The following ARFGAP3 variants were observed in gnomAD, a reference collection of about 807,000 sequenced individuals.
ARFGAP3 encodes ARF GTPase activating protein 3, also known as ADP-ribosylation factor GTPase-activating protein 3.
ARFGAP3 carries 72 observed loss-of-function variants against 75.0 expected under a neutral mutation model. The ratio of observed to expected loss-of-function variants is 0.96; its 90% CI spans 0.79 to 1.17. ARFGAP3 has a LOEUF of 1.17. Ranked by LOEUF, ARFGAP3 falls within the 50% of genes most tolerant of loss-of-function variation. The probability of loss-of-function intolerance (pLI) is 0.00; values close to 1 mark genes in which losing one functional copy is unlikely to be tolerated. For missense variants in ARFGAP3, 620 were observed against 626.6 expected (o/e 0.99, Z 0.11); for synonymous variants, 221 against 217.9 (o/e 1.01, Z -0.13).
At chr22:42,833,799 C>T (rs1264553999) in intron 5 of ARFGAP3, among the ~76,000 whole-genome samples, 1 of 152,138 alleles carries the variant, frequency 6.6e-6, no homozygotes, top group African/African-American at 2.4e-5. Flanking sequence ...ACCTGTAGTC[C>T]CAGCTACTCG....
At chr22:42,837,215 ACTTTGG>A (rs1236201638) in intron 3 of ARFGAP3, among the ~76,000 whole-genome samples, 3 of 152,350 alleles carry the variant, frequency 2.0e-5, no homozygotes, top group Admixed American at 2.0e-4. Flanking sequence ...TAATCCTAGC[ACTTTGG>A]GAAGCCAAAG....
rs978938611 is a variant in ARFGAP3, at chr22:42,797,275, G to C, written c.*313C>G. ...CCCCCACATGAAGCCTCCTGGTTCAGGAGCAGGAGGAGCCGAGGTCTCCAG... is the reference window on the plus strand; with the variant it reads ...CCCCCACATGAAGCCTCCTGGTTCACGAGCAGGAGGAGCCGAGGTCTCCAG... On this transcript the variant is annotated 3_prime_UTR_variant, in exon 16 of 16. Coordinates refer to ENST00000263245, the MANE Select transcript of ARFGAP3 (RefSeq NM_014570.5). 3 of 350,286 alleles carry C rather than the reference G, an allele frequency of 8.6e-6. No homozygotes were observed. Among genetic ancestry groups the C allele is most frequent in the Non-Finnish European group, 1.6e-5 (3 of 191,666 alleles). 21.7% of individuals were successfully genotyped at this position (350,286 alleles called of 1,614,324 possible). A position where few individuals can be genotyped will look rare whatever the true frequency, so the allele number is the denominator to read the frequency against.
chr22:42,808,707 C>CCACA (rs1925233062), intron 13 of ARFGAP3, 60 bp downstream of exon 13: 2 of 1,411,726 alleles, frequency 1.4e-6, no homozygotes, highest in African/African-American at 1.4e-5. Flanking sequence ...CCGACAATGC[C>CCACA]CACACCCACA....
intron 6 of ARFGAP3, among the ~76,000 whole-genome samples, chr22:42,829,017 G>C (rs998376734): frequency 6.6e-6 from 1 of 152,176 alleles, no homozygotes; most frequent in Admixed American, 6.5e-5. Context: ...AATTATAATA[G>C]TGAAAATAGT....
chr22:42,855,151 C>T (rs1462312091), intron 1 of ARFGAP3, among the ~76,000 whole-genome samples: 1 of 152,124 alleles, frequency 6.6e-6, no homozygotes, highest in Non-Finnish European at 1.5e-5. Context: ...GTAACCTGTC[C>T]AAGGGTGACA....
rs1926917845 is a variant in ARFGAP3 at position 42,844,437 on chromosome 22, T to C, written c.188+3077A>G. Among the ~76,000 whole-genome samples, 4 of 151,944 alleles carry C rather than the reference T, an allele frequency of 2.6e-5. No homozygotes were observed. The South Asian group carries it at 8.3e-4, about 32-fold the overall frequency. On this transcript the variant is annotated intron_variant, in intron 2 of 15. Coordinates refer to ENST00000263245, the MANE Select transcript of ARFGAP3 (RefSeq NM_014570.5). ...CCGTCTCTAGTAAAAATACAAAAAT[T>C]AGCTGGGTGTGGTGGCACACACCTG...
At chr22:42,851,779 T>C (rs1045487342) in intron 1 of ARFGAP3, among the ~76,000 whole-genome samples, 2 of 152,232 alleles carry the variant, frequency 1.3e-5, no homozygotes, top group South Asian at 2.1e-4. Context: ...GAGCAAGAAA[T>C]AGCTTTTGAC....
chr22:42,841,165 G>A (rs1315039182), intron 2 of ARFGAP3, 149 bp from the exon 3 acceptor site: 1 of 1,420,494 alleles, frequency 7.0e-7, no homozygotes, highest in African/African-American at 1.4e-5. Context: ...TGGGATGCTA[G>A]GACTCCAGAG....
rs1487741697 is a variant in ARFGAP3, at chr22:42,848,791, A to G, written c.70-1159T>C. Among the ~76,000 whole-genome samples, 4 of 151,906 alleles carry G rather than the reference A, an allele frequency of 2.6e-5. No homozygotes were observed. In the East Asian group the frequency reaches 7.7e-4, roughly 29 times the overall value. On this transcript the variant is annotated intron_variant, in intron 1 of 15. Coordinates refer to ENST00000263245, the MANE Select transcript of ARFGAP3 (RefSeq NM_014570.5). ...CTCCAAGATGGCCCCAGTGAAACCC[A>G]CCTCCTGGTATTTGCATCCCGTGTA...
chr22:42,799,189 T>G, intron 14 of ARFGAP3, 29 bp from the exon 15 acceptor site: 1 of 1,611,076 alleles, frequency 6.2e-7, no homozygotes, highest in African/African-American at 1.3e-5. Context: ...CACTGTCTCA[T>G]CACTGCCCTG....
At chr22:42,826,501 TC>T (rs1173482847) in intron 7 of ARFGAP3, among the ~76,000 whole-genome samples, 1 of 151,990 alleles carries the variant, frequency 6.6e-6, no homozygotes, top group Non-Finnish European at 1.5e-5. Flanking sequence ...TGCCTCAGTC[TC>T]CCAAGTAGCT....
At chr22:42,842,119 C>T (rs985882447) in intron 2 of ARFGAP3, among the ~76,000 whole-genome samples, 2 of 151,012 alleles carry the variant, frequency 1.3e-5, no homozygotes, top group Non-Finnish European at 2.9e-5. Flanking sequence ...ATTCTCCTGC[C>T]TCAGCCTCCT....
At chr22:42,841,413 G>A (rs1026109158) in intron 2 of ARFGAP3, among the ~76,000 whole-genome samples, 1 of 152,146 alleles carries the variant, frequency 6.6e-6, no homozygotes, top group Non-Finnish European at 1.5e-5. Flanking sequence ...GAAGCTTGGA[G>A]GATGCTCATT....
At chr22:42,841,625 A>T (rs557574937) in intron 2 of ARFGAP3, among the ~76,000 whole-genome samples, 1 of 152,272 alleles carries the variant, frequency 6.6e-6, no homozygotes, top group East Asian at 1.9e-4. Context: ...CACATTCCCC[A>T]AGGGGTCGAC....
intron 8 of ARFGAP3, among the ~76,000 whole-genome samples, chr22:42,822,842 T>G (rs1040814770): frequency 1.3e-5 from 2 of 152,276 alleles, no homozygotes. Flanking sequence ...CAGGCTCTCA[T>G]GCTGTTGACC....
intron 11 of ARFGAP3, among the ~76,000 whole-genome samples, chr22:42,811,338 G>A (rs1925359062): frequency 6.6e-6 from 1 of 152,182 alleles, no homozygotes; most frequent in Non-Finnish European, 1.5e-5. Context: ...GAGATCTGGG[G>A]GATGTTTATA....
At chr22:42,813,074 T>C (rs1457521503) in intron 11 of ARFGAP3, among the ~76,000 whole-genome samples, 2 of 152,230 alleles carry the variant, frequency 1.3e-5, no homozygotes, top group African/African-American at 2.4e-5. Context: ...AGGGACTTAT[T>C]TTAAGGCACC....
intron 1 of ARFGAP3, among the ~76,000 whole-genome samples, chr22:42,852,346 C>CCG (rs1927314106): frequency 6.7e-6 from 1 of 150,236 alleles, no homozygotes; most frequent in Admixed American, 6.7e-5. Context: ...GGCGCCACCG[C>CCG]GCCTAGCCTC....
At chr22:42,805,702 G>C (rs1602092403) in intron 14 of ARFGAP3, among the ~76,000 whole-genome samples, 1 of 152,220 alleles carries the variant, frequency 6.6e-6, no homozygotes, top group South Asian at 2.1e-4. Flanking sequence ...GTGAGGCACA[G>C]GGTGTGCTCC....
Sources: gnomAD v4.1 joint callset for allele counts (sites outside exome capture counted in the v4.1 genomes callset) on GRCh38, gnomAD v4.1.1 for gene constraint, MANE v1.5 for transcripts, NCBI Gene and HGNC (gene_info 2026-07-23, HGNC 2026-07-21) for gene names.